CNNM2: variants seen among roughly 807,000 people sequenced by gnomAD.
The protein encoded by CNNM2 is cyclin and CBS domain divalent metal cation transport mediator 2, also known as metal transporter CNNM2.
A neutral mutation model predicts 66.9 loss-of-function variants in CNNM2; 12 were observed. The ratio of observed to expected loss-of-function variants is 0.18; its 90% CI spans 0.11 to 0.29. CNNM2 has a LOEUF of 0.29. Ranked by LOEUF, CNNM2 falls within the 10% of genes least tolerant of loss-of-function variation. CNNM2 has a pLI of 1.00. For synonymous variants in CNNM2, 557 were observed against 501.8 expected (o/e 1.11, Z -1.47); for missense variants, 705 against 1,167.7 (o/e 0.60, Z 5.77).
chr10:103,019,737 T>C (rs952019743), intron 1 of CNNM2, among the ~76,000 whole-genome samples: 9 of 152,182 alleles, frequency 5.9e-5, no homozygotes, highest in African/African-American at 2.2e-4. Context: ...AATGGAAATA[T>C]CTAACACAGA....
At chr10:103,050,206 G>T (rs1469086884) in intron 2 of CNNM2, among the ~76,000 whole-genome samples, 1 of 152,142 alleles carries the variant, frequency 6.6e-6, no homozygotes. Flanking sequence ...ATAAACTTCT[G>T]TTTGTACTTT....
chr10:103,043,143 C>T (rs1388285499), intron 1 of CNNM2, among the ~76,000 whole-genome samples: 1 of 152,122 alleles, frequency 6.6e-6, no homozygotes, highest in Non-Finnish European at 1.5e-5. Context: ...GATGTCATGG[C>T]GAATGTAAGA....
chr10:103,083,846 A>T lies in CNNM2; in HGVS notation c.*6666A>T, dbSNP rs969042837. The T allele has an allele frequency of 6.6e-6, 1 of 152,208 alleles. No homozygotes were observed. Among genetic ancestry groups the T allele is most frequent in the Admixed American group, 6.5e-5 (1 of 15,278 alleles). The allele number at this position is 152,208 out of a possible 1,614,324, so 9.4% of individuals were successfully genotyped here. ...GGCTCTTGAAAACAAGGATGGCTTT[A>T]TAGGTCCTCCTCTGCTATGCTAAGC... On this transcript the variant is annotated 3_prime_UTR_variant, in exon 8 of 8. Transcript: ENST00000369878.
chr10:103,066,205 G>C (rs1011674443), intron 4 of CNNM2, among the ~76,000 whole-genome samples: 9 of 151,942 alleles, frequency 5.9e-5, no homozygotes, highest in Non-Finnish European at 1.0e-4. Context: ...CCATGGTCCT[G>C]TTATGGTTTC....
chr10:102,994,946 C>T (rs1396861814), intron 1 of CNNM2, among the ~76,000 whole-genome samples: 1 of 152,108 alleles, frequency 6.6e-6, no homozygotes, highest in Non-Finnish European at 1.5e-5. Context: ...AGACGACCTA[C>T]AAAGAAAGGA....
At chr10:102,964,549 T>G (rs746064514) in intron 1 of CNNM2, among the ~76,000 whole-genome samples, 16 of 152,076 alleles carry the variant, frequency 1.1e-4, no homozygotes, top group Non-Finnish European at 2.2e-4. Context: ...AATGGGCAAA[T>G]TGGGAGCCTA....
chr10:103,019,622 G>C (rs1188280108), intron 1 of CNNM2, among the ~76,000 whole-genome samples: 1 of 152,138 alleles, frequency 6.6e-6, no homozygotes, highest in Admixed American at 6.6e-5. Context: ...TCACCATGTA[G>C]CATTCTGTGG....
chr10:102,954,642 C>T (rs543700676), intron 1 of CNNM2, among the ~76,000 whole-genome samples: 2 of 152,202 alleles, frequency 1.3e-5, no homozygotes, highest in African/African-American at 4.8e-5. Context: ...CAGGAATTTA[C>T]AGCAATGCAA....
intron 1 of CNNM2, among the ~76,000 whole-genome samples, chr10:103,011,173 G>A (rs1412501570): frequency 2.0e-5 from 3 of 152,134 alleles, no homozygotes; most frequent in African/African-American, 4.8e-5. Context: ...AAAGCATTCC[G>A]GCCGGGCACA....
intron 1 of CNNM2, among the ~76,000 whole-genome samples, chr10:102,983,432 C>A (rs545724561): frequency 6.7e-5 from 10 of 149,040 alleles, no homozygotes; most frequent in Non-Finnish European, 1.5e-4. Context: ...GAGGCCAAGT[C>A]GGGCAGATCA....
At chr10:102,963,950 T>G (rs553476211) in intron 1 of CNNM2, among the ~76,000 whole-genome samples, 8 of 152,318 alleles carry the variant, frequency 5.3e-5, no homozygotes, top group African/African-American at 1.7e-4. Flanking sequence ...AGATGTGCAT[T>G]GTTCTGATGG....
intron 1 of CNNM2, among the ~76,000 whole-genome samples, chr10:102,959,643 C>T (rs1847171583): frequency 6.6e-6 from 1 of 152,184 alleles, no homozygotes; most frequent in Non-Finnish European, 1.5e-5. Context: ...GTGATGTGAA[C>T]ATGGCTGACT....
At chr10:102,978,349 C>T (rs774450981) in intron 1 of CNNM2, among the ~76,000 whole-genome samples, 3 of 151,780 alleles carry the variant, frequency 2.0e-5, no homozygotes, top group Non-Finnish European at 4.4e-5. Context: ...AATTAATGGC[C>T]GTCCTGTCTT....
intron 1 of CNNM2, among the ~76,000 whole-genome samples, chr10:103,003,960 TGCTGAGTAGTACTCCATTGCATGAA>T (rs2134259887): frequency 6.7e-6 from 1 of 149,814 alleles, no homozygotes; most frequent in Middle Eastern, 3.4e-3. Context: ...GCATTCTCAT[TGCTGAGTAGTACTCCATTGCATGAA>T]TTTTTTTTTT....
Position 103,054,601 on chromosome 10 carries a change from TTTTTGTTTTTTTGTTTTG to T in CNNM2, c.1903+148_1903+165del, listed in dbSNP as rs1388793571. 4 of 731,238 alleles carry T rather than the reference TTTTTGTTTTTTTGTTTTG, an allele frequency of 5.5e-6. No individual in the cohort carries two copies. Among genetic ancestry groups the T allele is most frequent in the African/African-American group, 3.5e-5 (2 of 56,964 alleles). The allele number at this position is 731,238 out of a possible 1,614,324, so 45.3% of individuals were successfully genotyped here. ...GTAATGCCACTTTTGTGTTTTGTTT[TTTTTGTTTTTTTGTTTTG>T]TTTTGTTTTTTTCTTTTTAAATTCT... On this transcript the variant is annotated intron_variant, in intron 3 of 7. Coordinates refer to ENST00000369878, the MANE Select transcript of CNNM2 (RefSeq NM_017649.5). This position sits in a 1 kb window ranked among gnomAD's most constrained non-coding sequence, Gnocchi z 5.2.
chr10:102,929,809 C>T (rs1846005451), intron 1 of CNNM2, among the ~76,000 whole-genome samples: 1 of 152,078 alleles, frequency 6.6e-6, no homozygotes, highest in Admixed American at 6.6e-5. Flanking sequence ...AAAGCAAGTG[C>T]TTGTGGATTT....
chr10:103,000,822 G>C (rs984065140), intron 1 of CNNM2, among the ~76,000 whole-genome samples: 1 of 152,168 alleles, frequency 6.6e-6, no homozygotes, highest in South Asian at 2.1e-4. Flanking sequence ...CAAGTGATCT[G>C]CCCTCCTTGG....
chr10:103,004,090 C>G (rs372149105), intron 1 of CNNM2, among the ~76,000 whole-genome samples: 2 of 143,228 alleles, frequency 1.4e-5, no homozygotes, highest in Non-Finnish European at 3.0e-5. Context: ...CCCCCACCCC[C>G]GCCCCGGGTT....
At chr10:102,972,561 G>A (rs761375911) in intron 1 of CNNM2, among the ~76,000 whole-genome samples, 23 of 152,168 alleles carry the variant, frequency 1.5e-4, no homozygotes, top group African/African-American at 3.4e-4. Flanking sequence ...GCGTGAACCC[G>A]GGCGGCGGAG....
Sources: allele counts gnomAD v4.1 joint callset (sites outside exome capture counted in the v4.1 genomes callset), GRCh38; gene constraint gnomAD v4.1.1; non-coding constraint Gnocchi (gnomAD v3.1); transcripts MANE v1.5; gene names NCBI Gene and HGNC (gene_info 2026-07-23, HGNC 2026-07-21).